MSRB3: variants seen among roughly 807,000 people sequenced by gnomAD.
MSRB3 encodes the protein methionine sulfoxide reductase B3, also known as methionine-R-sulfoxide reductase B3.
MSRB3 carries 13 observed loss-of-function variants against 21.0 expected under a neutral mutation model. That is an observed-to-expected ratio of 0.62 (90% CI 0.40 to 0.98). The LOEUF is 0.98. Among genes scored for constraint, MSRB3 ranks in the 50% least tolerant of loss-of-function variants. The probability of loss-of-function intolerance (pLI) is 0.00; values close to 1 mark genes in which losing one functional copy is unlikely to be tolerated. For missense variants in MSRB3, 199 were observed against 230.3 expected (o/e 0.86, Z 0.88); for synonymous variants, 87 against 88.6 (o/e 0.98, Z 0.10).
At position 65,326,910 on chromosome 12, in the gene MSRB3, T is replaced by G; in HGVS notation, c.161T>G (p.Val54Gly). Residue 54 changes from valine to glycine, a missense_variant, in exon 3 of 7, where the codon GTC becomes GGC. Transcript: ENST00000308259. ...CGGCTAACACCCCTGCAGTACCATG[T>G]CACTCAGGAGAAAGGGACCGAAAGG... ...RKRLTPLQYH[V>G]TQEKGTESAF... The G allele has an allele frequency of 1.9e-6, 3 of 1,613,868 alleles. No individual in the cohort carries two copies. The highest frequency in any genetic ancestry group is 2.5e-6 in the Non-Finnish European group (3 of 1,179,824).
chr12:65,453,002 C>A (rs1016579589), intron 5 of MSRB3, among the ~76,000 whole-genome samples: 4 of 152,204 alleles, frequency 2.6e-5, no homozygotes, highest in Middle Eastern at 3.4e-3. Context: ...ATCCTATGAT[C>A]CATTTACCAT....
At position 65,279,252 on chromosome 12, in the gene MSRB3, C is replaced by CT. The variant is rs538417169; in HGVS notation, c.-52+388dup. The stretch of plus-strand genomic sequence containing the variant: ...GGGGAGGGGTCCATCCCGGAGCCCT[C>CT]TGCTCTGTGCGTCGACCCTGCCGGG... On this transcript the variant is annotated intron_variant, in intron 1 of 6. Coordinates refer to ENST00000308259, the MANE Select transcript of MSRB3 (RefSeq NM_001031679.3). 3.0e-4 allele frequency: 67 copies of CT among 221,896 alleles called. No homozygotes were observed. In the South Asian group the frequency reaches 6.5e-3, roughly 22 times the overall value. The allele number at this position is 221,896 out of a possible 1,614,324, so 13.7% of individuals were successfully genotyped here.
In MSRB3 at chr12:65,337,880, T is replaced by TCATTAA. The variant is rs1875886954; in HGVS notation, c.263+9277_263+9278insCATTAA. ...CTCCAAATTATATAACTTACATGAG[T>TCATTAA]AACTCAGAGTTTTAATACATTTGTC... On this transcript the variant is annotated intron_variant, in intron 4 of 6. Coordinates refer to ENST00000308259, the MANE Select transcript of MSRB3 (RefSeq NM_001031679.3). Among the ~76,000 whole-genome samples the TCATTAA allele has an allele frequency of 9.8e-5, 15 of 152,302 alleles. No individual in the cohort carries two copies. In the South Asian group the frequency reaches 2.7e-3, roughly 27 times the overall value.
intron 5 of MSRB3, among the ~76,000 whole-genome samples, chr12:65,440,269 T>C (rs1012703942): frequency 5.3e-5 from 8 of 151,702 alleles, no homozygotes; most frequent in Non-Finnish European, 8.9e-5. Context: ...TTTAACTAAG[T>C]CTGGTAGCCC....
chr12:65,350,497 A>G (rs527522944), intron 4 of MSRB3, among the ~76,000 whole-genome samples: 102 of 151,650 alleles, frequency 6.7e-4, no homozygotes, highest in Non-Finnish European at 1.3e-3. Flanking sequence ...AAATGCTCCA[A>G]TGAAAAGACA....
At chr12:65,375,857 G>A (rs1197618877) in intron 5 of MSRB3, among the ~76,000 whole-genome samples, 4 of 150,312 alleles carry the variant, frequency 2.7e-5, no homozygotes, top group Non-Finnish European at 3.0e-5. Flanking sequence ...ATGTTTTTCA[G>A]TTTTATTGTT....
At chr12:65,334,424 G>C (rs1252688683) in intron 4 of MSRB3, among the ~76,000 whole-genome samples, 2 of 152,126 alleles carry the variant, frequency 1.3e-5, no homozygotes, top group African/African-American at 2.4e-5. Flanking sequence ...ATTTAAAAAA[G>C]AAGAAAGTTA....
chr12:65,417,470 G>A (rs567907988), intron 5 of MSRB3, among the ~76,000 whole-genome samples: 10 of 152,230 alleles, frequency 6.6e-5, no homozygotes, highest in African/African-American at 2.4e-4. Context: ...TTTAACATAT[G>A]CATTACCTCA....
At chr12:65,452,596 G>T (rs529290220) in intron 5 of MSRB3, among the ~76,000 whole-genome samples, 8 of 152,294 alleles carry the variant, frequency 5.3e-5, no homozygotes, top group South Asian at 2.1e-4. Flanking sequence ...CAAGGAATTA[G>T]AAGGTGTTAA....
intron 5 of MSRB3, among the ~76,000 whole-genome samples, chr12:65,449,368 A>G (rs1882762754): frequency 6.6e-6 from 1 of 152,046 alleles, no homozygotes; most frequent in Admixed American, 6.6e-5. Context: ...CTACATAGAG[A>G]GTTGGATTAT....
At chr12:65,315,690 A>C (rs1874252299) in intron 2 of MSRB3, among the ~76,000 whole-genome samples, 1 of 151,806 alleles carries the variant, frequency 6.6e-6, no homozygotes, top group Non-Finnish European at 1.5e-5. Flanking sequence ...AAAAAAAAAA[A>C]AAACCCATGA....
At chr12:65,352,349 C>G (rs1000263472) in intron 4 of MSRB3, among the ~76,000 whole-genome samples, 5 of 150,446 alleles carry the variant, frequency 3.3e-5, no homozygotes, top group Admixed American at 1.3e-4. Context: ...AAACCCACAG[C>G]CAATATCATA....
intron 5 of MSRB3, among the ~76,000 whole-genome samples, chr12:65,449,467 A>G (rs1294268206): frequency 6.6e-6 from 1 of 152,170 alleles, no homozygotes; most frequent in Admixed American, 6.5e-5. Flanking sequence ...AAATTTTGAA[A>G]TATGGCCTTG....
intron 5 of MSRB3, among the ~76,000 whole-genome samples, chr12:65,391,984 T>C (rs1313489908): frequency 6.6e-6 from 1 of 152,220 alleles, no homozygotes; most frequent in African/African-American, 2.4e-5. Context: ...CTGATTTTCC[T>C]GCTACAGTAG....
At chr12:65,376,986 CTT>C (rs1274469879) in intron 5 of MSRB3, among the ~76,000 whole-genome samples, 1 of 152,202 alleles carries the variant, frequency 6.6e-6, no homozygotes, top group African/African-American at 2.4e-5. Flanking sequence ...GGCTCTGAGA[CTT>C]TATATGATTC....
At position 65,450,258 on chromosome 12, in the gene MSRB3, G is replaced by A. The variant is rs149916235; in HGVS notation, c.293-3470G>A. On this transcript the variant is annotated intron_variant, in intron 5 of 6. Coordinates refer to ENST00000308259, the MANE Select transcript of MSRB3 (RefSeq NM_001031679.3). ...CTTCACATGACATGAGTAGTATGACGTTATATCTGCAGATGAATGTGGCCT... is the reference window on the plus strand; with the variant it reads ...CTTCACATGACATGAGTAGTATGACATTATATCTGCAGATGAATGTGGCCT... Among the ~76,000 whole-genome samples, 423 of 152,262 alleles carry A rather than the reference G, an allele frequency of 2.8e-3. 2 individuals are homozygous for A. Among genetic ancestry groups the A allele is most frequent in the Middle Eastern group, 0.02 (6 of 294 alleles).
chr12:65,454,059 G>A (rs1424478562), intron 6 of MSRB3: 10 of 640,932 alleles, frequency 1.6e-5, no homozygotes, highest in Non-Finnish European at 2.5e-5. Context: ...CAAGTGGGGA[G>A]GATCACTTGA....
intron 5 of MSRB3, among the ~76,000 whole-genome samples, chr12:65,401,943 C>T (rs1880149385): frequency 6.6e-6 from 1 of 152,222 alleles, no homozygotes. Context: ...TTGACCCCCA[C>T]TCTCTTCTGG....
At chr12:65,349,370 C>T (rs1282700589) in intron 4 of MSRB3, among the ~76,000 whole-genome samples, 16 of 151,868 alleles carry the variant, frequency 1.1e-4, no homozygotes, top group South Asian at 8.3e-4. Context: ...AATAAACATA[C>T]GTGTGCATGT....
Sources: allele counts gnomAD v4.1 joint callset (sites outside exome capture counted in the v4.1 genomes callset), GRCh38; gene constraint gnomAD v4.1.1; transcripts MANE v1.5; gene names NCBI Gene and HGNC (gene_info 2026-07-23, HGNC 2026-07-21).